PTPN9: variants seen among roughly 807,000 people sequenced by gnomAD.
PTPN9 encodes tyrosine-protein phosphatase non-receptor type 9.
Under a neutral mutation model 69.8 loss-of-function variants are expected in PTPN9, and 26 were observed. The ratio of observed to expected loss-of-function variants is 0.37; its 90% CI spans 0.27 to 0.52. The LOEUF (loss-of-function observed/expected upper bound fraction) is 0.52. Ranked by LOEUF, PTPN9 falls within the 20% of genes least tolerant of loss-of-function variation. The pLI, the probability that PTPN9 is intolerant of heterozygous loss-of-function variation, is 0.91. For missense variants in PTPN9, 549 were observed against 740.3 expected, an observed-to-expected ratio of 0.74 and a Z score of 3.00; for synonymous variants, 274 against 272.5, an observed-to-expected ratio of 1.01 and a Z score of -0.05.
intron 8 of PTPN9, among the ~76,000 whole-genome samples, chr15:75,483,592 G>A (rs746141742): frequency 2.3e-4 from 35 of 152,028 alleles, no homozygotes; most frequent in Non-Finnish European, 4.4e-4. Flanking sequence ...GTTTCTTTGG[G>A]AAATGAAAAA....
rs748896390 is a variant in PTPN9, at chr15:75,469,997, T to C, written c.1362A>G (p.Glu454=). ...KTTLEIHNTE[E]RQKRQVTHFQ... Reference sequence around the variant, plus strand: ...AGTGGGTCACCTGGCGTTTCTGCCGTTCCTTAGATAAGAAAAGAAGTAAAC... The same window carrying C: ...AGTGGGTCACCTGGCGTTTCTGCCGCTCCTTAGATAAGAAAAGAAGTAAAC... The change falls in exon 12 of 13, where the codon GAA becomes GAG. Residue 454 remains glutamate, a splice_region_variant and synonymous_variant. Transcript: ENST00000618819. The C allele has an allele frequency of 5.6e-6, 9 of 1,609,328 alleles. No individual in the cohort carries two copies. In the East Asian group the frequency reaches 2.0e-4, roughly 36 times the overall value.
intron 1 of PTPN9, among the ~76,000 whole-genome samples, chr15:75,569,055 A>G (rs1187005767): frequency 3.3e-5 from 5 of 152,304 alleles, no homozygotes; most frequent in Non-Finnish European, 7.3e-5. Context: ...AAGAGCAACC[A>G]AGATCTCGCA....
intron 1 of PTPN9, among the ~76,000 whole-genome samples, chr15:75,548,481 C>G (rs1361179240): frequency 6.6e-6 from 1 of 151,138 alleles, no homozygotes; most frequent in East Asian, 2.0e-4. Flanking sequence ...GTCTTGAACT[C>G]CTGATTTCGT....
At chr15:75,520,476 AGATAGATGTG>A (rs1158136006) in intron 4 of PTPN9, among the ~76,000 whole-genome samples, 1 of 148,590 alleles carries the variant, frequency 6.7e-6, no homozygotes, top group Non-Finnish European at 1.5e-5. Flanking sequence ...ATAGATAGAT[AGATAGATGTG>A]TGTGTGTTTA....
At chr15:75,472,315 C>T (rs978912564) in intron 10 of PTPN9, among the ~76,000 whole-genome samples, 7 of 151,190 alleles carry the variant, frequency 4.6e-5, no homozygotes, top group East Asian at 2.0e-4. Context: ...AAAAATTAGC[C>T]GGGCGAGGTG....
At chr15:75,526,573 T>C (rs1016075654) in intron 2 of PTPN9, among the ~76,000 whole-genome samples, 5 of 152,206 alleles carry the variant, frequency 3.3e-5, no homozygotes, top group Admixed American at 6.5e-5. Flanking sequence ...CCAAAGTCTA[T>C]GCCCCCTCAA....
chr15:75,552,430 CA>C (rs1027743289), intron 1 of PTPN9, among the ~76,000 whole-genome samples: 4 of 151,738 alleles, frequency 2.6e-5, no homozygotes, highest in Non-Finnish European at 5.9e-5. Flanking sequence ...CAAAACAAAA[CA>C]AAAAAACAGT....
chr15:75,518,935 G>A (rs2074887115), intron 4 of PTPN9, among the ~76,000 whole-genome samples: 1 of 151,946 alleles, frequency 6.6e-6, no homozygotes, highest in South Asian at 2.1e-4. Context: ...TCTCAAAGAT[G>A]TACTCTTCCA....
At chr15:75,551,379 G>A (rs1308935232) in intron 1 of PTPN9, among the ~76,000 whole-genome samples, 8 of 152,008 alleles carry the variant, frequency 5.3e-5, no homozygotes, top group East Asian at 1.9e-4. Flanking sequence ...TTTTTGAAAC[G>A]GAGTCTCGCT....
At chr15:75,534,798 C>G (rs2074976265) in intron 1 of PTPN9, among the ~76,000 whole-genome samples, 4 of 151,768 alleles carry the variant, frequency 2.6e-5, no homozygotes, top group Admixed American at 2.6e-4. Flanking sequence ...CAGGGTGAAA[C>G]CTCGTCTCTA....
rs979989646 is a variant in PTPN9 at position 75,509,860 on chromosome 15, T to A, written c.529-833A>T. 2.0e-5 allele frequency among the ~76,000 whole-genome samples: 3 copies of A among 152,148 alleles called. No homozygotes were observed. The South Asian group carries it at 6.2e-4, about 31-fold the overall frequency. On this transcript the variant is annotated intron_variant, in intron 5 of 12. Coordinates refer to ENST00000618819, the MANE Select transcript of PTPN9 (RefSeq NM_002833.4). ...TTAGCCGGGCATGGTGGCATGTGCC[T>A]GTAATCCCTGCTACTCGGGAGGCTA...
In PTPN9 at chr15:75,467,603, G is replaced by C. The variant is rs1292037670; in HGVS notation, c.*1166C>G. The C allele has an allele frequency of 6.6e-6, 1 of 152,628 alleles. No homozygotes were observed. Among genetic ancestry groups the C allele is most frequent in the East Asian group, 1.9e-4 (1 of 5,190 alleles). 9.5% of individuals were successfully genotyped at this position (152,628 alleles called of 1,614,324 possible). On this transcript the variant is annotated 3_prime_UTR_variant, in exon 13 of 13. Transcript: ENST00000618819. ...GCATCTCGGTAGACAGGGCCAAGCTGCATAAAGGAACCATCCAGCAAAAGA... is the reference window on the plus strand; with the variant it reads ...GCATCTCGGTAGACAGGGCCAAGCTCCATAAAGGAACCATCCAGCAAAAGA...
Position 75,578,839 on chromosome 15 carries a change from G to A in PTPN9, c.-63C>T. ...GCGAGCGCGGGAGCCCGGCGCGCTCGGCCTCCGCTTCCGCGTCCCCGCGCC... is the reference window on the plus strand; with the variant it reads ...GCGAGCGCGGGAGCCCGGCGCGCTCAGCCTCCGCTTCCGCGTCCCCGCGCC... On this transcript the variant is annotated 5_prime_UTR_variant, in exon 1 of 13. Transcript: ENST00000618819. The A allele has an allele frequency of 9.0e-7, 1 of 1,112,242 alleles. No homozygotes were observed. 68.9% of individuals were successfully genotyped at this position (1,112,242 alleles called of 1,614,324 possible).
Position 75,579,219 on chromosome 15 carries a change from TCGGGGCCGCCCAGCCGGGCCGTC to T in PTPN9, c.-466_-444del, listed in dbSNP as rs1279631349. The stretch of plus-strand genomic sequence containing the variant: ...CCGCTCCTCCACAGCGCCACAGAGC[TCGGGGCCGCCCAGCCGGGCCGTC>T]CTCGCGGACGCTGGCCCTGCGACCT... On this transcript the variant is annotated 5_prime_UTR_variant, in exon 1 of 13. Transcript: ENST00000618819. 2.6e-5 allele frequency: 4 copies of T among 152,158 alleles called. No individual in the cohort carries two copies. The highest frequency in any genetic ancestry group is 3.9e-4 in the East Asian group (2 of 5,156). 9.4% of individuals were successfully genotyped at this position (152,158 alleles called of 1,614,324 possible). A position where few individuals can be genotyped will look rare whatever the true frequency, so the allele number is the denominator to read the frequency against.
At chr15:75,499,282 G>T (rs2141304986) in intron 7 of PTPN9, among the ~76,000 whole-genome samples, 1 of 152,160 alleles carries the variant, frequency 6.6e-6, no homozygotes, top group Admixed American at 6.5e-5. Flanking sequence ...TCATAAAGTG[G>T]GGAATCAGTC....
intron 1 of PTPN9, among the ~76,000 whole-genome samples, chr15:75,537,753 C>CAAAAAAAAAAA (rs1164644727): frequency 1.3e-3 from 15 of 11,390 alleles, no homozygotes; most frequent in East Asian, 7.8e-3. Context: ...GACTCCATCT[C>CAAAAAAAAAAA]AAAAAAAAAA....
intron 9 of PTPN9, among the ~76,000 whole-genome samples, chr15:75,473,974 T>A (rs1245786047): frequency 2.6e-5 from 4 of 152,110 alleles, no homozygotes. Flanking sequence ...TGAATCTGCA[T>A]GTCAACGAGA....
At chr15:75,514,177 T>A (rs1439508134) in intron 5 of PTPN9, among the ~76,000 whole-genome samples, 1 of 151,876 alleles carries the variant, frequency 6.6e-6, no homozygotes, top group African/African-American at 2.4e-5. Context: ...CTCTTTTTTT[T>A]TTTTTCTTTT....
intron 7 of PTPN9, among the ~76,000 whole-genome samples, chr15:75,495,344 A>G (rs1213394745): frequency 1.3e-5 from 2 of 152,210 alleles, no homozygotes; most frequent in East Asian, 3.8e-4. Flanking sequence ...AATAGATGCA[A>G]TTGATTATCT....
Sources: gnomAD v4.1 joint callset for allele counts (sites outside exome capture counted in the v4.1 genomes callset) on GRCh38, gnomAD v4.1.1 for gene constraint, MANE v1.5 for transcripts, NCBI Gene and HGNC (gene_info 2026-07-23, HGNC 2026-07-21) for gene names.